The following STIMATE variants were observed in gnomAD, a reference collection of about 807,000 sequenced individuals.
The protein encoded by STIMATE is STIM activating enhancer.
Under a neutral mutation model 36.7 loss-of-function variants are expected in STIMATE, and 15 were observed. The observed-to-expected ratio is 0.41, with a 90% CI of 0.27 to 0.63. The LOEUF (loss-of-function observed/expected upper bound fraction) is 0.63, where lower values mean the gene tolerates loss of function less well. Among genes scored for constraint, STIMATE ranks in the 20% least tolerant of loss-of-function variants. The pLI, the probability that STIMATE is intolerant of heterozygous loss-of-function variation, is 0.32. For synonymous variants in STIMATE, 163 were observed against 162.3 expected (o/e 1.00, Z -0.03); for missense variants, 305 against 397.3 (o/e 0.77, Z 1.98).
intron 1 of STIMATE, among the ~76,000 whole-genome samples, chr3:52,883,688 C>T (rs1449557030): frequency 1.3e-5 from 2 of 152,088 alleles, no homozygotes; most frequent in African/African-American, 2.4e-5. Flanking sequence ...TATGTTTTCA[C>T]GTATGCTATT....
In STIMATE at chr3:52,847,343, C is replaced by T. The variant is rs7638483; in HGVS notation, c.428-2402G>A. On this transcript the variant is annotated intron_variant, in intron 4 of 7. Coordinates refer to ENST00000355083, the MANE Select transcript of STIMATE (RefSeq NM_198563.5). ...GAGGGAACACATCTGTGGCGAGAGG[C>T]TTTCAAAAGGGAGAGTTTGGCCAGG... 2.2e-3 allele frequency: 2,633 copies of T among 1,216,376 alleles called. 37 individuals carry two copies. In the African/African-American group the frequency reaches 0.034, roughly 16 times the overall value. 75.3% of individuals were successfully genotyped at this position (1,216,376 alleles called of 1,614,324 possible).
Position 52,842,865 on chromosome 3 carries a change from A to G in STIMATE, c.714T>C (p.Asn238=). The G allele has an allele frequency of 6.2e-7, 1 of 1,614,188 alleles. No individual in the cohort carries two copies. The change falls in exon 7 of 8, where the codon AAT becomes AAC. Residue 238 remains asparagine, a synonymous_variant. Transcript: ENST00000355083. The stretch of plus-strand genomic sequence containing the variant: ...CCCTCCGGTAGCGGACCTTGCTCCC[A>G]TTCCTCGAGTCCTGGTTGGCTCCCC... The part of the protein sequence containing the change: ...EERGANQDSR[N]GSKVRYRRAA...
At chr3:52,879,193 T>C (rs1701561446) in intron 1 of STIMATE, among the ~76,000 whole-genome samples, 1 of 152,120 alleles carries the variant, frequency 6.6e-6, no homozygotes, top group Non-Finnish European at 1.5e-5. Context: ...TTTCAAACCA[T>C]ACAAGTTGTG....
intron 1 of STIMATE, among the ~76,000 whole-genome samples, chr3:52,863,609 AG>A (rs1701254450): frequency 6.8e-6 from 1 of 146,850 alleles, no homozygotes; most frequent in South Asian, 2.2e-4. Context: ...GTCCCCCAAA[AG>A]TCTTAACTCA....
intron 1 of STIMATE, among the ~76,000 whole-genome samples, chr3:52,877,059 G>A (rs143907887): frequency 6.6e-6 from 1 of 152,308 alleles, no homozygotes; most frequent in African/African-American, 2.4e-5. Context: ...ACTGAGAATG[G>A]CCATTGAAGT....
intron 1 of STIMATE, among the ~76,000 whole-genome samples, chr3:52,882,140 C>A (rs1188650478): frequency 6.6e-6 from 1 of 152,208 alleles, no homozygotes; most frequent in Non-Finnish European, 1.5e-5. Context: ...AAGGCTCACA[C>A]AGGGCTGGGG....
intron 1 of STIMATE, among the ~76,000 whole-genome samples, chr3:52,887,993 A>AGTTTTTTTT (rs1701717009): frequency 5.0e-5 from 1 of 19,900 alleles, no homozygotes; most frequent in South Asian, 2.4e-3. Flanking sequence ...TAACAGAATC[A>AGTTTTTTTT]GTTTTTTTTT....
At chr3:52,882,257 G>C (rs79756255) in intron 1 of STIMATE, among the ~76,000 whole-genome samples, 4,487 of 152,276 alleles carry the variant, frequency 0.029, 226 homozygotes, top group African/African-American at 0.1. Flanking sequence ...CAGCAGGGAG[G>C]AAGCAAGCAA....
In STIMATE at chr3:52,836,891, T is replaced by C; in HGVS notation, c.*3603A>G. ...ACTGGATGGCTGCTGAAGTGGGCCATGGTTTTCCTTGCATAGGTCTGACTT... is the reference window on the plus strand; with the variant it reads ...ACTGGATGGCTGCTGAAGTGGGCCACGGTTTTCCTTGCATAGGTCTGACTT... On this transcript the variant is annotated 3_prime_UTR_variant, in exon 8 of 8. Transcript: ENST00000355083. 4.4e-6 allele frequency: 1 copy of C among 229,186 alleles called. No individual in the cohort carries two copies. The highest frequency in any genetic ancestry group is 4.9e-5 in the Admixed American group (1 of 20,206). 14.2% of individuals were successfully genotyped at this position (229,186 alleles called of 1,614,324 possible). A position where few individuals can be genotyped will look rare whatever the true frequency, so the allele number is the denominator to read the frequency against.
At chr3:52,885,722 T>C (rs954052512) in intron 1 of STIMATE, among the ~76,000 whole-genome samples, 4 of 152,244 alleles carry the variant, frequency 2.6e-5, no homozygotes, top group Admixed American at 6.5e-5. Context: ...TCCAACTGCA[T>C]TGGCCTCCTC....
chr3:52,876,407 C>T (rs1355826440), intron 1 of STIMATE, among the ~76,000 whole-genome samples: 3 of 152,130 alleles, frequency 2.0e-5, no homozygotes, highest in East Asian at 1.9e-4. Flanking sequence ...ACAGCATTAT[C>T]GAAAAACAAG....
At chr3:52,866,584 G>A (rs995910670) in intron 1 of STIMATE, among the ~76,000 whole-genome samples, 5 of 152,170 alleles carry the variant, frequency 3.3e-5, no homozygotes, top group Non-Finnish European at 5.9e-5. Context: ...TCTACCTGTC[G>A]ACTTCACACA....
chr3:52,893,917 T>C (rs1485207941), intron 1 of STIMATE, among the ~76,000 whole-genome samples: 1 of 152,164 alleles, frequency 6.6e-6, no homozygotes, highest in Non-Finnish European at 1.5e-5. Flanking sequence ...CACCCCCAAA[T>C]GCCAACACAC....
At chr3:52,871,278 C>T (rs1321790419) in intron 1 of STIMATE, among the ~76,000 whole-genome samples, 1 of 152,092 alleles carries the variant, frequency 6.6e-6, no homozygotes, top group Non-Finnish European at 1.5e-5. Flanking sequence ...CAGGCCTGTC[C>T]CGTCAAGAAG....
intron 1 of STIMATE, among the ~76,000 whole-genome samples, chr3:52,890,207 T>G (rs772233620): frequency 1.3e-5 from 2 of 152,232 alleles, no homozygotes; most frequent in African/African-American, 2.4e-5. Context: ...GTTCCAGCTG[T>G]GAGCCCCTCA....
intron 1 of STIMATE, among the ~76,000 whole-genome samples, chr3:52,886,547 CAT>C (rs770117728): frequency 2.8e-4 from 43 of 152,354 alleles, no homozygotes; most frequent in Middle Eastern, 3.4e-3. Flanking sequence ...GTACTCTACA[CAT>C]GTGACTCAGT....
At chr3:52,863,654 G>A (rs927547520) in intron 1 of STIMATE, among the ~76,000 whole-genome samples, 2 of 152,142 alleles carry the variant, frequency 1.3e-5, no homozygotes, top group Non-Finnish European at 2.9e-5. Flanking sequence ...ACAGTCCAAA[G>A]TCTCATCTGA....
chr3:52,882,805 G>A (rs1019202725), intron 1 of STIMATE, among the ~76,000 whole-genome samples: 6 of 152,146 alleles, frequency 3.9e-5, no homozygotes, highest in Admixed American at 1.3e-4. Flanking sequence ...ATGATGCCAC[G>A]GAGGGGTATG....
intron 1 of STIMATE, among the ~76,000 whole-genome samples, chr3:52,859,140 C>T (rs369619453): frequency 3.3e-4 from 46 of 138,718 alleles, no homozygotes; most frequent in African/African-American, 9.8e-4. Context: ...CCAGCCTGGG[C>T]GACAAGAGCG....
Sources: allele counts gnomAD v4.1 joint callset (sites outside exome capture counted in the v4.1 genomes callset), GRCh38; gene constraint gnomAD v4.1.1; transcripts MANE v1.5; gene names NCBI Gene and HGNC (gene_info 2026-07-23, HGNC 2026-07-21).